The following GPR153 variants were observed in gnomAD, a reference collection of about 807,000 sequenced individuals.
GPR153 encodes the protein probable G protein-coupled receptor 153.
GPR153 carries 27 observed loss-of-function variants against 34.1 expected under a neutral mutation model. That is an observed-to-expected ratio of 0.79 (90% CI 0.58 to 1.09). The LOEUF (loss-of-function observed/expected upper bound fraction) is 1.09. GPR153 is among the 50% of genes least tolerant of loss of function. The pLI is 0.00. For synonymous variants in GPR153, 408 were observed against 405.4 expected (o/e 1.01, Z -0.08); for missense variants, 848 against 860.2 (o/e 0.99, Z 0.18).
Position 6,250,502 on chromosome 1 carries a change from C to T in GPR153, c.1102G>A (p.Gly368Arg), listed in dbSNP as rs142015102. The T allele has an allele frequency of 4.3e-6, 7 of 1,610,130 alleles. No individual in the cohort carries two copies. The African/African-American group carries it at 6.7e-5, about 15-fold the overall frequency. The change falls in exon 5 of 6, where the codon GGG becomes AGG. Residue 368 changes from glycine (G) to arginine (R), a missense_variant. Physicochemically the swap from Gly to Arg is moderately radical, Grantham distance 125. Transcript: ENST00000377893. ...AGTGGGTAGAGCTGGGGCAGGCCCC[C>T]CTCCAGGGCGGAGATCTCATACTTG... ...MAKYEISALE[G>R]GLPQLYPLRP... is the part of the protein sequence containing the mutation.
chr1:6,251,501 G>T lies in GPR153; in HGVS notation c.816C>A (p.Asp272Glu). ...AGAGTGCCATCCAGGGCGCTGAGGC[G>T]TCGGCCCGCAGGCTGCTGAAGCTCA... is the stretch of plus-strand genomic sequence containing the variant. ...LVVSFSSLRA[D>E]ASAPWMALCV... Residue 272 changes from aspartate to glutamate, a missense_variant, in exon 4 of 6, where the codon GAC becomes GAA. Asp to Glu is a conservative substitution (Grantham distance 45). Transcript: ENST00000377893. This position sits in a 1 kb window ranked among gnomAD's most constrained non-coding sequence, Gnocchi z 4.9. The T allele has an allele frequency of 6.2e-7, 1 of 1,608,176 alleles. No individual in the cohort carries two copies. Among genetic ancestry groups the T allele is most frequent in the Non-Finnish European group, 8.5e-7 (1 of 1,177,948 alleles).
At chr1:6,252,998 G>A (rs866232734) in intron 3 of GPR153, among the ~76,000 whole-genome samples, 5 of 152,052 alleles carry the variant, frequency 3.3e-5, no homozygotes, top group Admixed American at 1.3e-4. Context: ...CTGATCCTGC[G>A]CCCCTACCTA....
At position 6,251,680 on chromosome 1, in the gene GPR153, C is replaced by G; in HGVS notation, c.787-150G>C. 1 of 931,392 alleles carries G rather than the reference C, an allele frequency of 1.1e-6. No homozygotes were observed. Among genetic ancestry groups the G allele is most frequent in the Non-Finnish European group, 1.5e-6 (1 of 646,572 alleles). 57.7% of individuals were successfully genotyped at this position (931,392 alleles called of 1,614,324 possible). A position where few individuals can be genotyped will look rare whatever the true frequency, so the allele number is the denominator to read the frequency against. On this transcript the variant is annotated intron_variant, in intron 3 of 5. Transcript: ENST00000377893. This position sits in a 1 kb window ranked among gnomAD's most constrained non-coding sequence, Gnocchi z 4.9. ...GCCCTTGGGGAGAAAAGAGCTGGAG[C>G]GTGGCAGTGGGAGGCCCCGCCTTCC... is the stretch of plus-strand genomic sequence containing the variant.
rs1638376493 is a variant in GPR153, at chr1:6,249,297, GGCCTGGC to G, written c.*34_*40del. 2 of 1,232,168 alleles carry G rather than the reference GGCCTGGC, an allele frequency of 1.6e-6. No homozygotes were observed. The highest frequency in any genetic ancestry group is 3.1e-5 in the African/African-American group (2 of 63,860). The allele number at this position is 1,232,168 out of a possible 1,614,324, so 76.3% of individuals were successfully genotyped here. On this transcript the variant is annotated 3_prime_UTR_variant, in exon 6 of 6. Coordinates refer to ENST00000377893, the MANE Select transcript of GPR153 (RefSeq NM_207370.4). The surrounding 1 kb of genome is among the most constrained non-coding windows in gnomAD (Gnocchi z 4.3). ...CTTTGGTGCTGCGGCCCCGGAGAGC[GGCCTGGC>G]CTGCCTGGCGTCCGTGGGGAGGCGC...
intron 2 of GPR153, 133 bp downstream of exon 2, chr1:6,254,417 C>A: frequency 1.1e-6 from 1 of 876,740 alleles, no homozygotes; most frequent in Non-Finnish European, 1.8e-6. Context: ...TTACAGCAGC[C>A]CCTCCTGAGC....
intron 5 of GPR153, 107 bp from the exon 6 acceptor site, chr1:6,250,110 C>A (rs1638408186): frequency 7.7e-7 from 1 of 1,304,834 alleles, no homozygotes; most frequent in East Asian, 3.1e-5. Flanking sequence ...GACCAGGCTG[C>A]GCGCTGGGGC....
In GPR153 at chr1:6,250,498, C is replaced by T. The variant is rs143679794; in HGVS notation, c.1106G>A (p.Gly369Asp). ...AKYEISALEG[G>D]LPQLYPLRPL... Reference sequence around the variant, plus strand: ...CCGCAGTGGGTAGAGCTGGGGCAGGCCCCCCTCCAGGGCGGAGATCTCATA... The same window carrying T: ...CCGCAGTGGGTAGAGCTGGGGCAGGTCCCCCTCCAGGGCGGAGATCTCATA... The change falls in exon 5 of 6, where the codon GGC becomes GAC. Residue 369 changes from glycine to aspartate, a missense_variant. Transcript: ENST00000377893. The T allele has an allele frequency of 4.3e-6, 7 of 1,609,672 alleles. No individual in the cohort carries two copies. The highest frequency in any genetic ancestry group is 1.3e-5 in the African/African-American group (1 of 75,012).
At chr1:6,255,694 C>A (rs1052754891) in intron 1 of GPR153, among the ~76,000 whole-genome samples, 16 of 127,324 alleles carry the variant, frequency 1.3e-4, no homozygotes, top group South Asian at 2.7e-4. Context: ...GCTCTGTCAC[C>A]CAGGCTGGAG....
Position 6,249,933 on chromosome 1 carries a change from A to C in GPR153, c.1235T>G (p.Leu412Arg). The C allele has an allele frequency of 7.8e-7, 1 of 1,283,652 alleles. No individual in the cohort carries two copies. The highest frequency in any genetic ancestry group is 3.1e-5 in the East Asian group (1 of 31,966). 79.5% of individuals were successfully genotyped at this position (1,283,652 alleles called of 1,614,324 possible). Residue 412 changes from leucine (L) to arginine (R), a missense_variant, in exon 6 of 6, where the codon CTG becomes CGG. Leu to Arg is a moderately radical substitution (Grantham distance 102). Coordinates refer to ENST00000377893, the MANE Select transcript of GPR153 (RefSeq NM_207370.4). The surrounding 1 kb of genome is among the most constrained non-coding windows in gnomAD (Gnocchi z 4.3). ...VWAAVPLPAF[L>R]PRWGSGEDLA... ...GTCCTCGCCGGAGCCCCAGCGCGGC[A>C]GGAAGGCGGGCAGCGGGACGGCGGC... is the stretch of plus-strand genomic sequence containing the variant.
intron 1 of GPR153, among the ~76,000 whole-genome samples, chr1:6,257,924 A>C (rs1638598485): frequency 6.6e-6 from 1 of 152,158 alleles, no homozygotes; most frequent in South Asian, 2.1e-4. Flanking sequence ...GGCCCTTCTT[A>C]CCCAGGGGCC....
Position 6,249,370 on chromosome 1 carries a change from G to A in GPR153, c.1798C>T (p.Leu600=), listed in dbSNP as rs1483749233. 10 of 1,348,420 alleles carry A rather than the reference G, an allele frequency of 7.4e-6. No homozygotes were observed. Among genetic ancestry groups the A allele is most frequent in the Non-Finnish European group, 7.6e-6 (8 of 1,055,570 alleles). 83.5% of individuals were successfully genotyped at this position (1,348,420 alleles called of 1,614,324 possible). ...SPSESSGYAT[L]HSDSLGSAS is the part of the protein sequence containing the mutation. ...GCGGAGCCCAGCGAGTCCGAGTGCAGCGTGGCGTAGCCCGAGGACTCGGAG... is the reference window on the plus strand; with the variant it reads ...GCGGAGCCCAGCGAGTCCGAGTGCAACGTGGCGTAGCCCGAGGACTCGGAG... Residue 600 remains leucine (L), a synonymous_variant, in exon 6 of 6, where the codon CTG becomes TTG. Transcript: ENST00000377893. The surrounding 1 kb of genome is among the most constrained non-coding windows in gnomAD (Gnocchi z 4.3).
chr1:6,250,416 C>A, intron 5 of GPR153, 24 bp downstream of exon 5: 1 of 1,547,900 alleles, frequency 6.5e-7, no homozygotes, highest in East Asian at 2.4e-5. Flanking sequence ...GCAGGTGCGG[C>A]CTCTCCCCCA....
Position 6,260,745 on chromosome 1 carries a change from A to G in GPR153, c.-110+80T>C, listed in dbSNP as rs1192358129. On this transcript the variant is annotated intron_variant, in intron 1 of 5. Coordinates refer to ENST00000377893, the MANE Select transcript of GPR153 (RefSeq NM_207370.4). ...GACCCCGCGACCGATAGGGCGCGGA[A>G]AGCCCCCTCCCTTCCCGCCGAGTCC... is the stretch of plus-strand genomic sequence containing the variant. 4 of 151,796 alleles carry G rather than the reference A, an allele frequency of 2.6e-5. No homozygotes were observed. The East Asian group carries it at 7.8e-4, about 30-fold the overall frequency. 9.4% of individuals were successfully genotyped at this position (151,796 alleles called of 1,614,324 possible).
chr1:6,260,381 C>G lies in GPR153; in HGVS notation c.-110+444G>C, dbSNP rs552787774. 6.6e-4 allele frequency among the ~76,000 whole-genome samples: 36 copies of G among 54,752 alleles called. 2 individuals carry two copies. The highest frequency in any genetic ancestry group is 1.8e-3 in the African/African-American group (23 of 12,684). 35.9% of individuals were successfully genotyped at this position (54,752 alleles called of 152,430 possible). A position where few individuals can be genotyped will look rare whatever the true frequency, so the allele number is the denominator to read the frequency against. ...CCAACCCCCTGGGGCTCCGATCCCC[C>G]CCCCCCCCCGCAATCCCCGCTCCGA... On this transcript the variant is annotated intron_variant, in intron 1 of 5. Transcript: ENST00000377893.
chr1:6,257,504 G>A (rs1638591566), intron 1 of GPR153, among the ~76,000 whole-genome samples: 1 of 152,228 alleles, frequency 6.6e-6, no homozygotes, highest in Admixed American at 6.5e-5. Context: ...TCTCCTCTAA[G>A]AGACTGCCAT....
At chr1:6,252,790 T>C (rs913491050) in intron 3 of GPR153, among the ~76,000 whole-genome samples, 1 of 152,164 alleles carries the variant, frequency 6.6e-6, no homozygotes, top group Non-Finnish European at 1.5e-5. Context: ...AGGGGTTGGC[T>C]ACTGAGTCCA....
chr1:6,260,375 A>T (rs1355421981), intron 1 of GPR153, among the ~76,000 whole-genome samples: 3 of 14,340 alleles, frequency 2.1e-4, no homozygotes, highest in Admixed American at 1.2e-3. Context: ...TGGGGCTCCG[A>T]TCCCCCCCCC....
chr1:6,254,708 CACGGAGT>C lies in GPR153; in HGVS notation c.191_197del (p.Tyr64TrpfsTer55), dbSNP rs756180331. On this transcript the variant is annotated frameshift_variant, in exon 2 of 6. Coordinates refer to ENST00000377893, the MANE Select transcript of GPR153 (RefSeq NM_207370.4). LOFTEE classifies it high-confidence loss of function. ...CGGGGCGCTGCCGCCGCAGCTGCAC[CACGGAGT>C]AGGTGGCGATGGGCACGGCCACATT... 6.2e-7 allele frequency: 1 copy of C among 1,613,716 alleles called. No homozygotes were observed. The highest frequency in any genetic ancestry group is 2.2e-5 in the East Asian group (1 of 44,890).
At chr1:6,256,336 A>T (rs2100992135) in intron 1 of GPR153, among the ~76,000 whole-genome samples, 1 of 152,054 alleles carries the variant, frequency 6.6e-6, no homozygotes, top group Admixed American at 6.6e-5. Flanking sequence ...TTTGAAAAAA[A>T]AAATTTATAT....
Sources: allele counts gnomAD v4.1 joint callset (sites outside exome capture counted in the v4.1 genomes callset), GRCh38; gene constraint gnomAD v4.1.1; non-coding constraint Gnocchi (gnomAD v3.1); transcripts MANE v1.5; gene names NCBI Gene and HGNC (gene_info 2026-07-23, HGNC 2026-07-21).